The following WDFY2 variants were observed in gnomAD, a reference collection of about 807,000 sequenced individuals.
WDFY2 encodes the protein WD repeat and FYVE domain containing 2, also known as WD repeat and FYVE domain-containing protein 2.
In WDFY2, 36 loss-of-function variants were observed where a neutral mutation model predicts 56.4. The ratio of observed to expected loss-of-function variants is 0.64; its 90% CI spans 0.49 to 0.84. WDFY2 has a LOEUF of 0.84. Ranked by LOEUF, WDFY2 falls within the 40% of genes least tolerant of loss-of-function variation. The pLI, the probability that WDFY2 is intolerant of heterozygous loss-of-function variation, is 0.00. For missense variants in WDFY2, 444 were observed against 512.2 expected (o/e 0.87, Z 1.29); for synonymous variants, 176 against 183.7 (o/e 0.96, Z 0.34).
chr13:51,733,847 A>G (rs118127270), intron 6 of WDFY2, among the ~76,000 whole-genome samples: 3,160 of 152,270 alleles, frequency 0.021, 53 homozygotes, highest in Non-Finnish European at 0.032. Flanking sequence ...CTGGGAGAGC[A>G]GGTCTAGGAG....
At chr13:51,691,389 G>C (rs1265371300) in intron 3 of WDFY2, among the ~76,000 whole-genome samples, 2 of 150,126 alleles carry the variant, frequency 1.3e-5, no homozygotes, top group Non-Finnish European at 3.0e-5. Context: ...TGTAAGGAAG[G>C]GATCCAGTTT....
intron 2 of WDFY2, among the ~76,000 whole-genome samples, chr13:51,668,164 C>T (rs1283437040): frequency 6.6e-6 from 1 of 152,040 alleles, no homozygotes; most frequent in African/African-American, 2.4e-5. Flanking sequence ...CAGACGTGAG[C>T]CACCGCACCC....
At chr13:51,611,154 C>G (rs761037169) in intron 1 of WDFY2, among the ~76,000 whole-genome samples, 3 of 152,226 alleles carry the variant, frequency 2.0e-5, no homozygotes, top group Non-Finnish European at 4.4e-5. Flanking sequence ...GGATTTTGCT[C>G]TGTTCACTGA....
intron 7 of WDFY2, among the ~76,000 whole-genome samples, chr13:51,742,225 A>G (rs1015433886): frequency 3.9e-5 from 6 of 152,220 alleles, no homozygotes; most frequent in African/African-American, 1.4e-4. Context: ...AACTAGCTTG[A>G]TTTGGTGTGT....
intron 3 of WDFY2, among the ~76,000 whole-genome samples, chr13:51,694,607 C>T (rs917575266): frequency 2.0e-5 from 3 of 152,018 alleles, no homozygotes; most frequent in Non-Finnish European, 4.4e-5. Context: ...CTCTGGCTGC[C>T]CTTAACATTT....
intron 8 of WDFY2, among the ~76,000 whole-genome samples, chr13:51,755,018 T>A (rs992001601): frequency 6.6e-6 from 1 of 152,222 alleles, no homozygotes; most frequent in African/African-American, 2.4e-5. Flanking sequence ...AGTTGTCTTA[T>A]TTGTCTGAGA....
At chr13:51,631,844 TTG>T (rs1954959047) in intron 1 of WDFY2, among the ~76,000 whole-genome samples, 1 of 152,320 alleles carries the variant, frequency 6.6e-6, no homozygotes, top group African/African-American at 2.4e-5. Flanking sequence ...CTCTCTAGCT[TTG>T]TTAGCTTTAT....
At chr13:51,631,841 G>C (rs1954958961) in intron 1 of WDFY2, among the ~76,000 whole-genome samples, 1 of 152,124 alleles carries the variant, frequency 6.6e-6, no homozygotes, top group African/African-American at 2.4e-5. Flanking sequence ...GACCTCTCTA[G>C]CTTTGTTAGC....
chr13:51,759,980 G>C lies in WDFY2; in HGVS notation c.*211G>C. The C allele has an allele frequency of 2.0e-6, 1 of 503,362 alleles. No homozygotes were observed. The highest frequency in any genetic ancestry group is 3.6e-6 in the Non-Finnish European group (1 of 278,696). The allele number at this position is 503,362 out of a possible 1,614,324, so 31.2% of individuals were successfully genotyped here. On this transcript the variant is annotated 3_prime_UTR_variant, in exon 12 of 12. Transcript: ENST00000298125. ...TCCAACTTGTTCATACAATATAAAA[G>C]AAGCTATTTTTTTAACAAATGGTTT...
At chr13:51,624,420 A>G (rs1029238092) in intron 1 of WDFY2, among the ~76,000 whole-genome samples, 1 of 152,198 alleles carries the variant, frequency 6.6e-6, no homozygotes, top group African/African-American at 2.4e-5. Context: ...TGACTGTATT[A>G]TCAGACCACT....
At chr13:51,672,960 G>A (rs530550329) in intron 2 of WDFY2, among the ~76,000 whole-genome samples, 4 of 152,154 alleles carry the variant, frequency 2.6e-5, no homozygotes, top group Non-Finnish European at 5.9e-5. Flanking sequence ...AAATATGGTG[G>A]TGTTTCTTAC....
chr13:51,641,335 C>T (rs1311573606), intron 1 of WDFY2, among the ~76,000 whole-genome samples: 1 of 152,038 alleles, frequency 6.6e-6, no homozygotes, highest in East Asian at 2.0e-4. Context: ...TCCCAGAATG[C>T]TGGGATTACA....
In WDFY2 at chr13:51,719,326, A is replaced by G. The variant is rs1284509376; in HGVS notation, c.463A>G (p.Ser155Gly). 1.2e-6 allele frequency: 2 copies of G among 1,605,486 alleles called. No individual in the cohort carries two copies. The highest frequency in any genetic ancestry group is 3.4e-5 in the Admixed American group (2 of 58,490). The change falls in exon 5 of 12, where the codon AGT becomes GGT. Residue 155 changes from serine (S) to glycine (G), a missense_variant. Transcript: ENST00000298125. ...SGQRLGGYRT[S>G]AVASGLQFDV... ...GCAGCGCCTGGGAGGTTATCGGACCAGTGCTGTGGCCTCAGGCCTGCAGTA... is the reference window on the plus strand; with the variant it reads ...GCAGCGCCTGGGAGGTTATCGGACCGGTGCTGTGGCCTCAGGCCTGCAGTA...
At chr13:51,717,112 C>T (rs1952371131) in intron 4 of WDFY2, among the ~76,000 whole-genome samples, 1 of 152,152 alleles carries the variant, frequency 6.6e-6, no homozygotes, top group African/African-American at 2.4e-5. Flanking sequence ...AGATCAGGAT[C>T]AAGGCAAGAA....
intron 4 of WDFY2, among the ~76,000 whole-genome samples, chr13:51,712,345 T>G (rs539348387): frequency 1.1e-4 from 16 of 152,082 alleles, no homozygotes; most frequent in African/African-American, 3.9e-4. Context: ...ATAATGTAAA[T>G]GACGAGTTAA....
At chr13:51,679,683 A>G (rs1460386683) in intron 3 of WDFY2, among the ~76,000 whole-genome samples, 1 of 152,168 alleles carries the variant, frequency 6.6e-6, no homozygotes, top group Non-Finnish European at 1.5e-5. Context: ...GGGCTGCCAT[A>G]ACAGTACCAA....
intron 3 of WDFY2, among the ~76,000 whole-genome samples, chr13:51,695,033 C>T (rs370593804): frequency 6.6e-6 from 1 of 152,224 alleles, no homozygotes; most frequent in Non-Finnish European, 1.5e-5. Flanking sequence ...TCAGCTCCAT[C>T]AGCTCCTTTA....
intron 11 of WDFY2, among the ~76,000 whole-genome samples, chr13:51,758,904 C>T (rs992711837): frequency 1.3e-5 from 2 of 152,146 alleles, no homozygotes; most frequent in Non-Finnish European, 2.9e-5. Flanking sequence ...AACTCTGGGG[C>T]TGGGTGTGTT....
At chr13:51,663,811 T>C (rs952895759) in intron 2 of WDFY2, among the ~76,000 whole-genome samples, 3 of 152,292 alleles carry the variant, frequency 2.0e-5, no homozygotes, top group Admixed American at 2.0e-4. Context: ...GCACAATATA[T>C]TCAGAGGCTA....
Sources: gnomAD v4.1 joint callset for allele counts (sites outside exome capture counted in the v4.1 genomes callset) on GRCh38, gnomAD v4.1.1 for gene constraint, MANE v1.5 for transcripts, NCBI Gene and HGNC (gene_info 2026-07-23, HGNC 2026-07-21) for gene names.